The following EMILIN2 variants were observed in gnomAD, a reference collection of about 807,000 sequenced individuals.
EMILIN2 encodes the protein EMILIN-2.
Under a neutral mutation model 87.1 loss-of-function variants are expected in EMILIN2, and 71 were observed. That is an observed-to-expected ratio of 0.82 (90% CI 0.67 to 0.99). The LOEUF (loss-of-function observed/expected upper bound fraction) is 0.99, where lower values mean the gene tolerates loss of function less well. Among genes scored for constraint, EMILIN2 ranks in the 50% least tolerant of loss-of-function variants. The probability of loss-of-function intolerance (pLI) is 0.00; values close to 1 mark genes in which losing one functional copy is unlikely to be tolerated. For synonymous variants in EMILIN2, 581 were observed against 563.4 expected (o/e 1.03, Z -0.44); for missense variants, 1,407 against 1,371.8 (o/e 1.03, Z -0.40).
intron 2 of EMILIN2, among the ~76,000 whole-genome samples, chr18:2,869,675 C>A (rs2076708855): frequency 6.6e-6 from 1 of 151,950 alleles, no homozygotes; most frequent in Admixed American, 6.6e-5. Context: ...TTAAGTGATC[C>A]TCCCACCTCA....
intron 6 of EMILIN2, 81 bp from the exon 7 acceptor site, chr18:2,909,610 C>T (rs606491): frequency 0.016 from 24,771 of 1,548,630 alleles, 252 homozygotes; most frequent in Non-Finnish European, 0.019. Context: ...GGGCCTGGCA[C>T]GTAGGCCTCA....
intron 2 of EMILIN2, among the ~76,000 whole-genome samples, chr18:2,858,583 G>GTGTATATATA (rs1180735843): frequency 1.6e-4 from 10 of 63,038 alleles, no homozygotes; most frequent in South Asian, 5.9e-4. Flanking sequence ...GTGTGTGTGT[G>GTGTATATATA]TATATATATA....
At chr18:2,868,559 C>G (rs958008537) in intron 2 of EMILIN2, among the ~76,000 whole-genome samples, 1 of 152,232 alleles carries the variant, frequency 6.6e-6, no homozygotes, top group Non-Finnish European at 1.5e-5. Context: ...CTCGGGAGGC[C>G]GAGGCTGGCG....
chr18:2,858,511 T>G (rs2076639025), intron 2 of EMILIN2, among the ~76,000 whole-genome samples: 1 of 112,060 alleles, frequency 8.9e-6, no homozygotes. Flanking sequence ...TATAGCTGAG[T>G]AGTATTCCAT....
At chr18:2,910,406 T>C (rs905621690) in intron 7 of EMILIN2, among the ~76,000 whole-genome samples, 2 of 152,076 alleles carry the variant, frequency 1.3e-5, no homozygotes, top group Admixed American at 6.5e-5. Flanking sequence ...GGATCATGGG[T>C]GTGGAGTTTA....
At chr18:2,886,178 C>T (rs1282645814) in intron 3 of EMILIN2, among the ~76,000 whole-genome samples, 3 of 152,096 alleles carry the variant, frequency 2.0e-5, no homozygotes, top group African/African-American at 7.2e-5. Context: ...CTGTCAGGCT[C>T]TATACTGGGT....
chr18:2,884,385 A>G (rs752222463), intron 2 of EMILIN2, among the ~76,000 whole-genome samples: 8 of 151,686 alleles, frequency 5.3e-5, no homozygotes, highest in Non-Finnish European at 1.0e-4. Flanking sequence ...AGCTGGGACT[A>G]CAGGCATGCG....
At chr18:2,905,377 A>G (rs192190022) in intron 4 of EMILIN2, among the ~76,000 whole-genome samples, 11 of 151,210 alleles carry the variant, frequency 7.3e-5, no homozygotes, top group Non-Finnish European at 1.6e-4. Context: ...ATGTGTACAG[A>G]GTAGATATAT....
At chr18:2,909,078 T>G in intron 6 of EMILIN2, 103 bp downstream of exon 6, 1 of 1,442,822 alleles carries the variant, frequency 6.9e-7, no homozygotes, top group Non-Finnish European at 9.7e-7. Context: ...TTAGCACAAA[T>G]CAAGCCTGGG....
At chr18:2,889,255 A>G (rs1008994035) in intron 3 of EMILIN2, among the ~76,000 whole-genome samples, 4 of 147,342 alleles carry the variant, frequency 2.7e-5, no homozygotes, top group Non-Finnish European at 5.9e-5. Flanking sequence ...TTTCTGTCTC[A>G]GCCTCCCTAG....
At chr18:2,908,894 C>G (rs761363206) in intron 5 of EMILIN2, 49 bp from the exon 6 acceptor site, 1 of 1,611,726 alleles carries the variant, frequency 6.2e-7, no homozygotes, top group South Asian at 1.1e-5. Flanking sequence ...GAACAAGGAG[C>G]TGGTGCTTAG....
chr18:2,849,835 C>CT (rs552074643), intron 2 of EMILIN2, among the ~76,000 whole-genome samples: 1 of 152,118 alleles, frequency 6.6e-6, no homozygotes, highest in African/African-American at 2.4e-5. Context: ...TCAGTCTTGA[C>CT]TTTTTTCAGT....
intron 2 of EMILIN2, among the ~76,000 whole-genome samples, chr18:2,876,614 A>C (rs1336601999): frequency 1.5e-5 from 2 of 136,112 alleles, no homozygotes; most frequent in East Asian, 2.3e-4. Flanking sequence ...AAAATACAAA[A>C]AATTAGCCGG....
chr18:2,850,822 G>A (rs181184320), intron 2 of EMILIN2, among the ~76,000 whole-genome samples: 2 of 152,166 alleles, frequency 1.3e-5, no homozygotes, highest in Admixed American at 6.5e-5. Context: ...ACAGTGGAGG[G>A]GAAGGAAGAG....
At chr18:2,884,841 C>T (rs1396649010) in intron 2 of EMILIN2, 123 bp from the exon 3 acceptor site, 4 of 1,065,772 alleles carry the variant, frequency 3.8e-6, no homozygotes, top group Non-Finnish European at 5.2e-6. Flanking sequence ...AACATCCCCT[C>T]TGGGCCAGCC....
In EMILIN2 at chr18:2,913,643, A is replaced by T; in HGVS notation, c.*239A>T. 2.9e-6 allele frequency: 1 copy of T among 339,256 alleles called. No homozygotes were observed. Among genetic ancestry groups the T allele is most frequent in the Non-Finnish European group, 5.3e-6 (1 of 190,246 alleles). 21.0% of individuals were successfully genotyped at this position (339,256 alleles called of 1,614,324 possible). On this transcript the variant is annotated 3_prime_UTR_variant, in exon 8 of 8. Transcript: ENST00000254528. Reference sequence around the variant, plus strand: ...CTGCCACTCTAACTGGACAACTGGAAGACTTGGAAAGGCCTCCACCTGTAT... The same window carrying T: ...CTGCCACTCTAACTGGACAACTGGATGACTTGGAAAGGCCTCCACCTGTAT...
intron 2 of EMILIN2, among the ~76,000 whole-genome samples, chr18:2,871,349 T>G (rs1442067562): frequency 6.6e-6 from 1 of 152,178 alleles, no homozygotes; most frequent in Non-Finnish European, 1.5e-5. Flanking sequence ...AGTATTGTGA[T>G]TACAGGCGTG....
At chr18:2,856,605 G>A (rs547860036) in intron 2 of EMILIN2, among the ~76,000 whole-genome samples, 2 of 152,316 alleles carry the variant, frequency 1.3e-5, no homozygotes, top group East Asian at 3.9e-4. Context: ...CAGTTACACA[G>A]AACTTTACAT....
rs1399117648 is a variant in EMILIN2 at position 2,909,839 on chromosome 18, T to C, written c.2824+20T>C. ...GCACCGGTGAGTGTTTGAACGGAAC[T>C]GGTACTGTGTCCTCCTCCTACCCCA... On this transcript the variant is annotated intron_variant, in intron 7 of 7. Coordinates refer to ENST00000254528, the MANE Select transcript of EMILIN2 (RefSeq NM_032048.3). The C allele has an allele frequency of 2.5e-6, 4 of 1,609,748 alleles. No individual in the cohort carries two copies. In the African/African-American group the frequency reaches 4.0e-5, roughly 16 times the overall value.
Sources: allele counts gnomAD v4.1 joint callset (sites outside exome capture counted in the v4.1 genomes callset), GRCh38; gene constraint gnomAD v4.1.1; transcripts MANE v1.5; gene names NCBI Gene and HGNC (gene_info 2026-07-23, HGNC 2026-07-21).